The following FADS2 variants were observed in gnomAD, a reference collection of about 807,000 sequenced individuals.
The protein encoded by FADS2 is acyl-CoA 6-desaturase.
In FADS2, 18 loss-of-function variants were observed where a neutral mutation model predicts 61.2. The observed-to-expected ratio is 0.29, with a 90% CI of 0.20 to 0.44. FADS2 has a LOEUF of 0.44. Ranked by LOEUF, FADS2 falls within the 20% of genes least tolerant of loss-of-function variation. The pLI is 1.00. For missense variants in FADS2, 322 were observed against 572.7 expected, an observed-to-expected ratio of 0.56 and a Z score of 4.47; for synonymous variants, 203 against 223.9, an observed-to-expected ratio of 0.91 and a Z score of 0.83.
chr11:61,848,566 A>T lies in FADS2; in HGVS notation c.744+282A>T, dbSNP rs1001425908. Reference sequence around the variant, plus strand: ...GGTACCCTGAATTGTTCTGGCTGGAATGTATGTGGAATGGCCTCACCTGTA... The same window carrying T: ...GGTACCCTGAATTGTTCTGGCTGGATTGTATGTGGAATGGCCTCACCTGTA... On this transcript the variant is annotated intron_variant, in intron 5 of 11. Transcript: ENST00000278840. The T allele has an allele frequency of 3.4e-5, 15 of 445,394 alleles. 1 individual carries two copies. The highest frequency in any genetic ancestry group is 1.8e-4 in the Admixed American group (5 of 28,506). 27.6% of individuals were successfully genotyped at this position (445,394 alleles called of 1,614,324 possible). A position where few individuals can be genotyped will look rare whatever the true frequency, so the allele number is the denominator to read the frequency against.
intron 4 of FADS2, among the ~76,000 whole-genome samples, chr11:61,844,722 G>A (rs936685778): frequency 1.3e-5 from 2 of 151,644 alleles, no homozygotes; most frequent in Non-Finnish European, 2.9e-5. Flanking sequence ...TCAGAAGATC[G>A]AGACCATCCT....
intron 5 of FADS2, among the ~76,000 whole-genome samples, chr11:61,852,187 C>T (rs2067312636): frequency 6.6e-6 from 1 of 152,192 alleles, no homozygotes; most frequent in African/African-American, 2.4e-5. Flanking sequence ...CACTCACACT[C>T]ATTCATCCTT....
intron 7 of FADS2, among the ~76,000 whole-genome samples, chr11:61,859,156 C>T (rs1172936235): frequency 1.3e-5 from 2 of 152,094 alleles, no homozygotes; most frequent in Non-Finnish European, 2.9e-5. Flanking sequence ...CTCCTGGGTT[C>T]GAGTAATTCT....
intron 4 of FADS2, among the ~76,000 whole-genome samples, chr11:61,843,120 A>G (rs1352189570): frequency 6.6e-6 from 1 of 152,254 alleles, no homozygotes; most frequent in African/African-American, 2.4e-5. Context: ...GTAGTTCAGC[A>G]CTGTACTTAG....
chr11:61,837,533 C>A (rs139207661), intron 1 of FADS2, among the ~76,000 whole-genome samples: 2 of 152,338 alleles, frequency 1.3e-5, no homozygotes, highest in African/African-American at 2.4e-5. Flanking sequence ...TATTCACAAA[C>A]CCCTGGGGAG....
chr11:61,842,607 A>G (rs2067225766), intron 4 of FADS2, among the ~76,000 whole-genome samples: 1 of 152,156 alleles, frequency 6.6e-6, no homozygotes, highest in Non-Finnish European at 1.5e-5. Context: ...TAGAACGTGG[A>G]TGACAGCAAA....
At chr11:61,825,859 C>T (rs1369082020), upstream of FADS2, among the ~76,000 whole-genome samples, 8 of 152,132 alleles carry the variant, frequency 5.3e-5, no homozygotes, top group Non-Finnish European at 1.2e-4. Context: ...CACCACTGCA[C>T]TCTAGCCTGG....
chr11:61,832,870 A>C (rs174574), intron 1 of FADS2, among the ~76,000 whole-genome samples: 84,348 of 152,168 alleles, frequency 0.55, 24,954 homozygotes, highest in South Asian at 0.82. Context: ...GCACTTCCCA[A>C]ATCCTAGGCA....
chr11:61,866,751 C>T lies in FADS2; in HGVS notation c.*1062C>T. ...GCCTCAGGCACTCTCCTGTCTGAAC[C>T]TGCCCTTACTGTGTTTAACCTGTTG... On this transcript the variant is annotated 3_prime_UTR_variant, in exon 12 of 12. Transcript: ENST00000278840. The T allele has an allele frequency of 6.5e-6, 1 of 152,772 alleles. No individual in the cohort carries two copies. The allele number at this position is 152,772 out of a possible 1,614,324, so 9.5% of individuals were successfully genotyped here.
At chr11:61,834,981 GC>G (rs200730508) in intron 1 of FADS2, among the ~76,000 whole-genome samples, 7 of 107,840 alleles carry the variant, frequency 6.5e-5, no homozygotes, top group Admixed American at 2.2e-4. Context: ...CTCCCTGCCT[GC>G]CCCCCCACCC....
intron 7 of FADS2, among the ~76,000 whole-genome samples, chr11:61,861,084 G>C (rs1555078363): frequency 1.3e-5 from 2 of 151,942 alleles, no homozygotes; most frequent in Non-Finnish European, 2.9e-5. Context: ...GCCAGACACA[G>C]TGGCTCATGC....
At chr11:61,830,391 C>G (rs1297337583) in intron 1 of FADS2, among the ~76,000 whole-genome samples, 1 of 152,218 alleles carries the variant, frequency 6.6e-6, no homozygotes, top group Non-Finnish European at 1.5e-5. Context: ...ATTACCATAT[C>G]AGATTGATTT....
chr11:61,850,697 A>G (rs61897795), intron 5 of FADS2, among the ~76,000 whole-genome samples: 14,415 of 152,256 alleles, frequency 0.095, 970 homozygotes, highest in Middle Eastern at 0.2. Context: ...TTGGAAATAC[A>G]TTAATGATTA....
At chr11:61,864,381 T>C (rs531986965) in intron 10 of FADS2, among the ~76,000 whole-genome samples, 16 of 151,994 alleles carry the variant, frequency 1.1e-4, no homozygotes, top group African/African-American at 3.4e-4. Flanking sequence ...TTTTTTCTTT[T>C]TTTTTTTACT....
chr11:61,824,475 AGAGAGAGAGAGAGAGAAAGAAAGAAAG>A (rs2067060979), upstream of FADS2, among the ~76,000 whole-genome samples: 1 of 6,534 alleles, frequency 1.5e-4, no homozygotes, highest in African/African-American at 1.8e-4. Flanking sequence ...AGAGAGAGAG[AGAGAGAGAGAGAGAGAAAGAAAGAAAG>A]GAAAGAAAGA....
intron 1 of FADS2, among the ~76,000 whole-genome samples, chr11:61,835,714 A>T (rs769393587): frequency 6.6e-6 from 1 of 151,830 alleles, no homozygotes; most frequent in Non-Finnish European, 1.5e-5. Flanking sequence ...TAATTTTGAA[A>T]TTTTCCCAAC....
At chr11:61,855,266 CTT>C (rs2067346322) in intron 5 of FADS2, 1 of 152,354 alleles carries the variant, frequency 6.6e-6, no homozygotes, top group African/African-American at 2.4e-5. Flanking sequence ...GGGAGGAGCT[CTT>C]GAGCAGAGCT....
intron 5 of FADS2, chr11:61,848,996 G>A (rs1029491858): frequency 5.3e-5 from 8 of 152,284 alleles, no homozygotes; most frequent in Admixed American, 5.2e-4. Flanking sequence ...CGCCTCCTGG[G>A]TTCAAGCAAT....
chr11:61,828,160 C>A (rs1717330985), upstream of FADS2: 14 of 1,400,740 alleles, frequency 1.0e-5, no homozygotes, highest in Admixed American at 6.2e-5. The surrounding 1 kb of genome is among the most constrained non-coding windows in gnomAD (Gnocchi z 6.4). Flanking sequence ...AGGAAGGGGA[C>A]CGCTTGGGGG....
Sources: allele counts gnomAD v4.1 joint callset (sites outside exome capture counted in the v4.1 genomes callset), GRCh38; gene constraint gnomAD v4.1.1; non-coding constraint Gnocchi (gnomAD v3.1); transcripts MANE v1.5; gene names NCBI Gene and HGNC (gene_info 2026-07-23, HGNC 2026-07-21).